ZNF667: variants seen among roughly 807,000 people sequenced by gnomAD.
The protein encoded by ZNF667 is myocardial ischemic preconditioning upregulated 1 ortholog.
In ZNF667, 13 loss-of-function variants were observed where a neutral mutation model predicts 31.8. The ratio of observed to expected loss-of-function variants is 0.41; its 90% confidence interval spans 0.27 to 0.65. The LOEUF is 0.65. ZNF667 is among the 30% of genes least tolerant of loss of function. The pLI is 0.32. For missense variants in ZNF667, 642 were observed against 725.6 expected (o/e 0.88, Z 1.32); for synonymous variants, 228 against 247.1 (o/e 0.92, Z 0.73).
intron 1 of ZNF667, chr19:56,474,981 T>C (rs1328885334): frequency 6.6e-6 from 1 of 152,162 alleles, no homozygotes; most frequent in Non-Finnish European, 1.5e-5. Context: ...GAAAAGTCTT[T>C]GGTTAAGATC....
chr19:56,442,703 T>A lies in ZNF667; in HGVS notation c.292A>T (p.Asn98Tyr). Residue 98 changes from asparagine (N) to tyrosine (Y), a missense_variant, in exon 7 of 7, where the codon AAT becomes TAT. Physicochemically the swap from Asn to Tyr is moderately radical, Grantham distance 143. Coordinates refer to ENST00000504904, the MANE Select transcript of ZNF667 (RefSeq NM_001321356.2). ...CTTTGCCCAGATTTGTTGCATTGAT[T>A]TGGAGGTAACTTCTTGGTCTCACAT... ...SKCETKKLPP[N>Y]QCNKSGQSIC... is the part of the protein sequence containing the mutation. 1 of 1,604,630 alleles carries A rather than the reference T, an allele frequency of 6.2e-7. No individual in the cohort carries two copies. The highest frequency in any genetic ancestry group is 8.5e-7 in the Non-Finnish European group (1 of 1,177,042).
rs2043296445 is a variant in ZNF667 at position 56,471,715 on chromosome 19, T to C, written c.-76A>G. The C allele has an allele frequency of 1.3e-5, 2 of 152,238 alleles. No individual in the cohort carries two copies. The highest frequency in any genetic ancestry group is 2.4e-5 in the African/African-American group (1 of 41,470). The allele number at this position is 152,238 out of a possible 1,614,324, so 9.4% of individuals were successfully genotyped here. A position where few individuals can be genotyped will look rare whatever the true frequency, so the allele number is the denominator to read the frequency against. On this transcript the variant is annotated 5_prime_UTR_variant, in exon 3 of 7. Transcript: ENST00000504904. ...ATGATTTACCAGATAAGCAGATCAG[T>C]TGGCTTTCCCCTTCCAATTACTTAG...
chr19:56,465,559 A>G (rs956046423), intron 3 of ZNF667, among the ~76,000 whole-genome samples: 3 of 152,254 alleles, frequency 2.0e-5, no homozygotes, highest in African/African-American at 7.2e-5. Flanking sequence ...ATCTGGTGGC[A>G]AGTCCAGTTC....
In ZNF667 at chr19:56,443,393, A is replaced by C. The variant is rs577459090; in HGVS notation, c.254-652T>G. Among the ~76,000 whole-genome samples the C allele has an allele frequency of 7.9e-5, 12 of 152,310 alleles. No individual in the cohort carries two copies. The South Asian group carries it at 1.4e-3, about 18-fold the overall frequency. On this transcript the variant is annotated intron_variant, in intron 6 of 6. Transcript: ENST00000504904. ...AACATGTTGTAAGACATGCATTGTC[A>C]GGCAATTTCATCATTGTGCAAACAT...
chr19:56,458,165 G>A lies in ZNF667; in HGVS notation c.243C>T (p.Arg81=), dbSNP rs142647145. ...APWMVEPVRR[R]RAPDSGSKCE... ...TTCTCTGTCACTCACCAGGAGCCCG[G>A]CGTCTTCTTACTGGCTCTACCATCC... Residue 81 remains arginine (R), a synonymous_variant, in exon 6 of 7, where the codon CGC becomes CGT. Transcript: ENST00000504904. 8.7e-6 allele frequency: 14 copies of A among 1,614,040 alleles called. No homozygotes were observed. Among genetic ancestry groups the A allele is most frequent in the Non-Finnish European group, 1.1e-5 (13 of 1,180,014 alleles).
chr19:56,452,487 C>G (rs1005312179), intron 6 of ZNF667, among the ~76,000 whole-genome samples: 5 of 151,876 alleles, frequency 3.3e-5, no homozygotes, highest in Admixed American at 3.3e-4. Flanking sequence ...AACGCCTACA[C>G]CAAAAAAGTA....
chr19:56,464,763 A>G (rs991990455), intron 3 of ZNF667, among the ~76,000 whole-genome samples: 1 of 152,118 alleles, frequency 6.6e-6, no homozygotes, highest in African/African-American at 2.4e-5. Context: ...GAAAGCAGAG[A>G]CTTTGTTTTG....
At chr19:56,446,338 C>G (rs2042709218) in intron 6 of ZNF667, among the ~76,000 whole-genome samples, 1 of 152,196 alleles carries the variant, frequency 6.6e-6, no homozygotes, top group Non-Finnish European at 1.5e-5. Context: ...ATCTGCCATT[C>G]CAGTATTCAA....
chr19:56,467,492 C>T (rs1174739146), intron 3 of ZNF667, among the ~76,000 whole-genome samples: 1 of 152,192 alleles, frequency 6.6e-6, no homozygotes, highest in African/African-American at 2.4e-5. Flanking sequence ...GCAGCGGCCC[C>T]AGCTGGGTGT....
chr19:56,463,339 G>A (rs1006169674), intron 3 of ZNF667, among the ~76,000 whole-genome samples: 2 of 152,132 alleles, frequency 1.3e-5, no homozygotes, highest in African/African-American at 4.8e-5. Flanking sequence ...GCATGACTAG[G>A]GTGGGTGGAG....
intron 4 of ZNF667, among the ~76,000 whole-genome samples, chr19:56,461,796 C>A (rs541014638): frequency 6.6e-6 from 1 of 152,214 alleles, no homozygotes; most frequent in Non-Finnish European, 1.5e-5. Flanking sequence ...CAGGAGGCTA[C>A]GCATACAACC....
chr19:56,446,099 A>G (rs1568837309), intron 6 of ZNF667, among the ~76,000 whole-genome samples: 1 of 152,242 alleles, frequency 6.6e-6, no homozygotes, highest in Non-Finnish European at 1.5e-5. Context: ...TTTTCAGTAC[A>G]TATGTGGCTC....
chr19:56,442,383 T>C lies in ZNF667; in HGVS notation c.612A>G (p.Lys204=). 2 of 1,614,152 alleles carry C rather than the reference T, an allele frequency of 1.2e-6. No homozygotes were observed. The highest frequency in any genetic ancestry group is 1.1e-5 in the South Asian group (1 of 91,072). Residue 204 remains lysine (K), a synonymous_variant, in exon 7 of 7, where the codon AAA becomes AAG. Transcript: ENST00000504904. ...HSGKKSHECN[K]CGESFNQRTT... Reference sequence around the variant, plus strand: ...TTCTTTGATTGAAGCTTTCCCCACATTTATTGCATTCATGGCTTTTCTTTC... The same window carrying C: ...TTCTTTGATTGAAGCTTTCCCCACACTTATTGCATTCATGGCTTTTCTTTC...
At position 56,441,520 on chromosome 19, in the gene ZNF667, A is replaced by T; in HGVS notation, c.1475T>A (p.Ile492Asn). The change falls in exon 7 of 7, where the codon ATT (isoleucine) becomes AAT (asparagine). Residue 492 changes from isoleucine (I) to asparagine (N), a missense_variant. Ile to Asn is a moderately radical substitution (Grantham distance 149). Coordinates refer to ENST00000504904, the MANE Select transcript of ZNF667 (RefSeq NM_001321356.2). The surrounding 1 kb of genome is among the most constrained non-coding windows in gnomAD (Gnocchi z 4.2). ...HRISLTRHKRIHTEDRPYECD... is the reference protein window; with the variant it reads ...HRISLTRHKRNHTEDRPYECD... ...TTCATAGGGTCTATCTTCAGTATGA[A>T]TTCTCTTATGTCGTGTGAGAGATAT... 2 of 1,614,184 alleles carry T rather than the reference A, an allele frequency of 1.2e-6. No homozygotes were observed.
chr19:56,449,433 T>C (rs994462804), intron 6 of ZNF667: 4 of 265,268 alleles, frequency 1.5e-5, no homozygotes, highest in East Asian at 1.3e-4. Flanking sequence ...CCCAGCACTT[T>C]GGGAGGCCAA....
chr19:56,468,371 T>C (rs2043211236), intron 3 of ZNF667: 1 of 152,198 alleles, frequency 6.6e-6, no homozygotes, highest in Non-Finnish European at 1.5e-5. Context: ...ACATGTAAAC[T>C]GTGTGTTCAG....
chr19:56,445,962 C>T (rs1392618336), intron 6 of ZNF667, among the ~76,000 whole-genome samples: 1 of 145,966 alleles, frequency 6.9e-6, no homozygotes, highest in Non-Finnish European at 1.5e-5. Flanking sequence ...CCCCATGATC[C>T]AATCACCTCC....
intron 6 of ZNF667, among the ~76,000 whole-genome samples, chr19:56,457,167 C>T (rs373098427): frequency 6.6e-6 from 1 of 152,106 alleles, no homozygotes; most frequent in Non-Finnish European, 1.5e-5. Context: ...AAAGAGGAAC[C>T]TATTTGTCAA....
Position 56,449,501 on chromosome 19 carries a change from G to A in ZNF667, c.254-6760C>T, listed in dbSNP as rs535970172. The A allele has an allele frequency of 7.5e-5, 19 of 253,890 alleles. 1 individual carries two copies. The highest frequency in any genetic ancestry group is 6.7e-4 in the South Asian group (19 of 28,340). 15.7% of individuals were successfully genotyped at this position (253,890 alleles called of 1,614,324 possible). ...TCGAGACCAGCCTGACCAACATGGT[G>A]AAACCCCGTCTCTACTAAAAATAAA... On this transcript the variant is annotated intron_variant, in intron 6 of 6. Transcript: ENST00000504904.
Sources: gnomAD v4.1 joint callset for allele counts (sites outside exome capture counted in the v4.1 genomes callset) on GRCh38, gnomAD v4.1.1 for gene constraint, Gnocchi (gnomAD v3.1) non-coding constraint, MANE v1.5 for transcripts, NCBI Gene and HGNC (gene_info 2026-07-23, HGNC 2026-07-21) for gene names.